STK3: variants seen among roughly 807,000 people sequenced by gnomAD.
STK3 encodes serine/threonine kinase 3, also known as serine/threonine-protein kinase 3.
In STK3, 41 loss-of-function variants were observed where a neutral mutation model predicts 58.0. That is an observed-to-expected ratio of 0.71 (90% CI 0.55 to 0.92). The LOEUF is 0.92. Ranked by LOEUF, STK3 falls within the 40% of genes least tolerant of loss-of-function variation. The pLI is 0.00. For synonymous variants in STK3, 170 were observed against 191.0 expected (o/e 0.89, Z 0.91); for missense variants, 479 against 602.7 (o/e 0.79, Z 2.15).
intron 10 of STK3, among the ~76,000 whole-genome samples, chr8:98,503,350 C>T (rs1240697366): frequency 6.6e-6 from 1 of 151,976 alleles, no homozygotes; most frequent in African/African-American, 2.4e-5. Context: ...TCAGAAAAAC[C>T]AGCTTGGGGA....
intron 6 of STK3, among the ~76,000 whole-genome samples, chr8:98,689,598 T>C (rs1432232378): frequency 2.0e-5 from 3 of 151,948 alleles, no homozygotes; most frequent in African/African-American, 4.8e-5. Context: ...CTGGGACATA[T>C]ATTGAGATCC....
intron 3 of STK3, among the ~76,000 whole-genome samples, chr8:98,751,151 T>C (rs996619757): frequency 3.3e-5 from 5 of 152,184 alleles, no homozygotes; most frequent in African/African-American, 1.2e-4. Flanking sequence ...ACAATCATAC[T>C]GAATGGGCAT....
At chr8:98,683,185 T>C (rs923711534) in intron 6 of STK3, among the ~76,000 whole-genome samples, 16 of 151,862 alleles carry the variant, frequency 1.1e-4, no homozygotes, top group Non-Finnish European at 2.1e-4. Flanking sequence ...AAATAAATAA[T>C]ATAAATTATA....
intron 6 of STK3, among the ~76,000 whole-genome samples, chr8:98,678,758 T>C (rs1037943418): frequency 2.6e-5 from 4 of 152,222 alleles, no homozygotes; most frequent in Non-Finnish European, 5.9e-5. Context: ...GAAGCCCATA[T>C]ATCAAAATGT....
chr8:98,570,812 A>G (rs767929151), intron 8 of STK3, among the ~76,000 whole-genome samples: 2 of 152,238 alleles, frequency 1.3e-5, no homozygotes, highest in Non-Finnish European at 2.9e-5. Context: ...TCCTCATAAC[A>G]ACTCTATTTG....
chr8:98,434,552 C>A (rs1818417233), intron 2 of STK3, among the ~76,000 whole-genome samples: 1 of 152,230 alleles, frequency 6.6e-6, no homozygotes, highest in African/African-American at 2.4e-5. Flanking sequence ...CAACATTTTC[C>A]TCCTTCTGGG....
chr8:98,664,330 C>T (rs1288319337), intron 6 of STK3, among the ~76,000 whole-genome samples: 1 of 152,206 alleles, frequency 6.6e-6, no homozygotes, highest in Non-Finnish European at 1.5e-5. Flanking sequence ...TGATCAGATG[C>T]TACCCCGGTC....
At chr8:98,739,262 G>A (rs1024040591) in intron 4 of STK3, among the ~76,000 whole-genome samples, 1 of 152,336 alleles carries the variant, frequency 6.6e-6, no homozygotes, top group Admixed American at 6.5e-5. Flanking sequence ...GCACGCAGCT[G>A]GAGATCTGAG....
At position 98,649,520 on chromosome 8, in the gene STK3, TC is replaced by T. The variant is rs1468484886; in HGVS notation, c.685-53352del. 2.6e-5 allele frequency among the ~76,000 whole-genome samples: 4 copies of T among 152,324 alleles called. No homozygotes were observed. In the South Asian group the frequency reaches 6.2e-4, roughly 24 times the overall value. The stretch of plus-strand genomic sequence containing the variant: ...TTGTAAGAGACCAAAGATTCAATTT[TC>T]TTTCAGATGAACAGATAATTCCAAA... On this transcript the variant is annotated intron_variant, in intron 6 of 10. Coordinates refer to ENST00000419617, the MANE Select transcript of STK3 (RefSeq NM_006281.4).
At chr8:98,380,963 CTTTTTTTTTTTT>C (rs33934435) in intron 1 of STK3, among the ~76,000 whole-genome samples, 4 of 44,098 alleles carry the variant, frequency 9.1e-5, no homozygotes, top group Non-Finnish European at 1.2e-4. Context: ...TCTCTCTCTC[CTTTTTTTTTTTT>C]TTTTTTTTTT....
intron 2 of STK3, among the ~76,000 whole-genome samples, chr8:98,773,242 T>C (rs1249934637): frequency 3.3e-5 from 5 of 152,222 alleles, no homozygotes; most frequent in Non-Finnish European, 7.3e-5. Context: ...CATGCAATTA[T>C]ACTTTTATTA....
At chr8:98,738,659 C>T (rs902724913) in intron 4 of STK3, among the ~76,000 whole-genome samples, 3 of 152,150 alleles carry the variant, frequency 2.0e-5, no homozygotes, top group African/African-American at 4.8e-5. Context: ...CCAGCGTGAG[C>T]GACGCAGAAG....
At chr8:98,739,213 C>G (rs2131297395) in intron 4 of STK3, among the ~76,000 whole-genome samples, 1 of 152,338 alleles carries the variant, frequency 6.6e-6, no homozygotes, top group East Asian at 1.9e-4. Flanking sequence ...CTTAAATGTC[C>G]CTGTCTGAAC....
At chr8:98,807,532 AC>A (rs1258310240) in intron 1 of STK3, among the ~76,000 whole-genome samples, 1 of 152,202 alleles carries the variant, frequency 6.6e-6, no homozygotes, top group Non-Finnish European at 1.5e-5. Flanking sequence ...TACTGGGATT[AC>A]AGGTGTGAGC....
At chr8:98,864,261 A>C (rs921294935) in intron 3 of STK3, among the ~76,000 whole-genome samples, 2 of 151,498 alleles carry the variant, frequency 1.3e-5, no homozygotes, top group African/African-American at 4.9e-5. Context: ...TTTTGTCATC[A>C]ATCTTCCTCC....
chr8:98,718,983 A>G (rs1827217571), intron 4 of STK3, among the ~76,000 whole-genome samples: 1 of 152,198 alleles, frequency 6.6e-6, no homozygotes, highest in Admixed American at 6.5e-5. Context: ...TGGCGTACAG[A>G]TAGCACTTGA....
chr8:98,557,942 A>T (rs1199710571), intron 8 of STK3, among the ~76,000 whole-genome samples: 1 of 152,140 alleles, frequency 6.6e-6, no homozygotes, highest in East Asian at 1.9e-4. Flanking sequence ...AGGACTTCAG[A>T]GGCTCCATGA....
At chr8:98,483,358 T>C (rs924155674) in intron 10 of STK3, among the ~76,000 whole-genome samples, 2 of 152,202 alleles carry the variant, frequency 1.3e-5, no homozygotes, top group Non-Finnish European at 2.9e-5. Flanking sequence ...ATGGTCATGC[T>C]CTCATAAGTT....
chr8:98,404,622 G>A (rs916346309), intron 3 of STK3, among the ~76,000 whole-genome samples: 7 of 150,052 alleles, frequency 4.7e-5, no homozygotes, highest in African/African-American at 1.7e-4. Context: ...GGAGCTTGCA[G>A]TGAGCCGAGA....
Sources: gnomAD v4.1 joint callset for allele counts (sites outside exome capture counted in the v4.1 genomes callset) on GRCh38, gnomAD v4.1.1 for gene constraint, MANE v1.5 for transcripts, NCBI Gene and HGNC (gene_info 2026-07-23, HGNC 2026-07-21) for gene names.